MCAT: variants seen among roughly 807,000 people sequenced by gnomAD.
MCAT encodes malonyl-CoA-acyl carrier protein transacylase, mitochondrial.
Under a neutral mutation model 22.9 loss-of-function variants are expected in MCAT, and 22 were observed. That is an observed-to-expected ratio of 0.96 (90% confidence interval 0.69 to 1.37). The LOEUF is 1.37. Among genes scored for constraint, MCAT ranks in the 40% most tolerant of loss-of-function variants. MCAT has a pLI of 0.00. For missense variants in MCAT, 534 were observed against 533.6 expected (o/e 1.00, Z -0.01); for synonymous variants, 240 against 233.9 (o/e 1.03, Z -0.24).
intron 1 of MCAT, among the ~76,000 whole-genome samples, chr22:43,141,784 C>A (rs757745129): frequency 6.6e-6 from 1 of 152,162 alleles, no homozygotes; most frequent in African/African-American, 2.4e-5. Flanking sequence ...GTTGGCCAGG[C>A]TGGTTTTGAA....
At chr22:43,136,072 G>A (rs570147700) in intron 3 of MCAT, among the ~76,000 whole-genome samples, 89 of 152,174 alleles carry the variant, frequency 5.8e-4, no homozygotes, top group South Asian at 4.8e-3. Flanking sequence ...GTGAAACCCC[G>A]TCTCTACAAA....
At chr22:43,136,758 A>G (rs1023020517) in intron 3 of MCAT, among the ~76,000 whole-genome samples, 3 of 152,258 alleles carry the variant, frequency 2.0e-5, no homozygotes, top group South Asian at 4.1e-4. Flanking sequence ...TTCTCTAAGG[A>G]AGCAACCAGA....
At chr22:43,133,999 C>T (rs1409085638) in intron 3 of MCAT, among the ~76,000 whole-genome samples, 2 of 152,038 alleles carry the variant, frequency 1.3e-5, no homozygotes, top group Non-Finnish European at 2.9e-5. Flanking sequence ...ATCTCCAGAC[C>T]TCGTGATCCA....
At chr22:43,135,842 A>AACAGACTCCAGAGTGAG (rs1474701758) in intron 3 of MCAT, among the ~76,000 whole-genome samples, 45 of 152,228 alleles carry the variant, frequency 3.0e-4, no homozygotes, top group Non-Finnish European at 6.2e-4. Context: ...AAGTGGCGGA[A>AACAGACTCCAGAGTGAG]ACAGACTCCA....
intron 2 of MCAT, among the ~76,000 whole-genome samples, chr22:43,139,961 TTAA>T (rs113547738): frequency 1.5e-4 from 23 of 152,316 alleles, no homozygotes; most frequent in African/African-American, 5.5e-4. Flanking sequence ...GAAACTTTCC[TTAA>T]TAATGTTATA....
intron 3 of MCAT, among the ~76,000 whole-genome samples, chr22:43,134,927 AG>A (rs1203911089): frequency 1.3e-5 from 2 of 152,228 alleles, no homozygotes; most frequent in Non-Finnish European, 2.9e-5. Context: ...ATGGCTACTC[AG>A]TAGCACTTCC....
chr22:43,137,750 TA>T (rs112412023), intron 2 of MCAT, among the ~76,000 whole-genome samples: 1 of 149,868 alleles, frequency 6.7e-6, no homozygotes, highest in African/African-American at 2.5e-5. Flanking sequence ...TTTTTTTTTT[TA>T]AATAGTGCCA....
intron 3 of MCAT, among the ~76,000 whole-genome samples, chr22:43,134,658 C>T (rs1165630720): frequency 6.6e-6 from 1 of 152,198 alleles, no homozygotes; most frequent in East Asian, 1.9e-4. Flanking sequence ...CAGAACCCAG[C>T]CTGGCGAGCA....
chr22:43,136,692 C>G (rs1426439705), intron 3 of MCAT, among the ~76,000 whole-genome samples: 2 of 152,246 alleles, frequency 1.3e-5, no homozygotes, highest in Non-Finnish European at 2.9e-5. Context: ...AGGGCAAAAA[C>G]AGACACCTAA....
At position 43,143,331 on chromosome 22, in the gene MCAT, T is replaced by C. The variant is rs2147039773; in HGVS notation, c.18A>G (p.Ala6=). MSVRV[A]RVAWVRGLGA... ...CCAAGCCCCTGACCCACGCTACCCGTGCGACCCGGACGCTCATGGTCGGAC... is the reference window on the plus strand; with the variant it reads ...CCAAGCCCCTGACCCACGCTACCCGCGCGACCCGGACGCTCATGGTCGGAC... Residue 6 remains alanine (A), a synonymous_variant, in exon 1 of 4, where the codon GCA becomes GCG. Transcript: ENST00000290429. 1 of 1,390,284 alleles carries C rather than the reference T, an allele frequency of 7.2e-7. No homozygotes were observed. Among genetic ancestry groups the C allele is most frequent in the Non-Finnish European group, 9.2e-7 (1 of 1,082,002 alleles). 86.1% of individuals were successfully genotyped at this position (1,390,284 alleles called of 1,614,324 possible).
At position 43,143,040 on chromosome 22, in the gene MCAT, C is replaced by T; in HGVS notation, c.309G>A (p.Leu103=). 6.2e-7 allele frequency: 1 copy of T among 1,610,640 alleles called. No homozygotes were observed. ...AARRVLGYDL[L]ELSLHGPQET... ...CCTGCGGCCCGTGCAGGCTCAGTTC[C>T]AGCAGGTCGTAGCCCAGCACGCGGC... The change falls in exon 1 of 4, where the codon CTG becomes CTA. Residue 103 remains leucine, a synonymous_variant. Coordinates refer to ENST00000290429, the MANE Select transcript of MCAT (RefSeq NM_173467.5).
At chr22:43,134,736 C>A (rs986436577) in intron 3 of MCAT, among the ~76,000 whole-genome samples, 56 of 152,188 alleles carry the variant, frequency 3.7e-4, no homozygotes, top group Non-Finnish European at 7.2e-4. Context: ...GTCACTGCAA[C>A]AAAACCTGGC....
rs753860375 is a variant in MCAT at position 43,133,339 on chromosome 22, G to C, written c.877C>G (p.Pro293Ala). The C allele has an allele frequency of 1.9e-6, 3 of 1,614,170 alleles. No individual in the cohort carries two copies. In the South Asian group the frequency reaches 3.3e-5, roughly 18 times the overall value. Residue 293 changes from proline (P) to alanine (A), a missense_variant, in exon 4 of 4, where the codon CCT becomes GCT. Pro to Ala is a conservative substitution (Grantham distance 27). Transcript: ENST00000290429. ...QALKAVDIKKPLVSVYSNVHA... is the reference protein window; with the variant it reads ...QALKAVDIKKALVSVYSNVHA... ...ACGTTGGAGTAGACAGAAACCAGAG[G>C]CTTCTTAATGTCGACTGCCTTTAAA...
Position 43,133,308 on chromosome 22 carries a change from G to A in MCAT, c.908C>T (p.Ala303Val), listed in dbSNP as rs13815. The change falls in exon 4 of 4, where the codon GCG becomes GTG. Residue 303 changes from alanine (A) to valine (V), a missense_variant. Coordinates refer to ENST00000290429, the MANE Select transcript of MCAT (RefSeq NM_173467.5). ...GTGCCCGGGATGCCTGTATCTATGC[G>A]CGTGGACGTTGGAGTAGACAGAAAC... ...PLVSVYSNVH[A>V]HRYRHPGHIH... The A allele has an allele frequency of 5.6e-6, 9 of 1,613,878 alleles. No homozygotes were observed. The highest frequency in any genetic ancestry group is 4.0e-5 in the African/African-American group (3 of 74,838).
intron 3 of MCAT, among the ~76,000 whole-genome samples, chr22:43,134,150 G>A (rs1230880732): frequency 6.6e-6 from 1 of 152,098 alleles, no homozygotes; most frequent in South Asian, 2.1e-4. Context: ...TAAAAATTCA[G>A]AACTAAAATT....
In MCAT at chr22:43,133,190, G is replaced by GA; in HGVS notation, c.1025dup (p.Gln344ProfsTer19). The stretch of plus-strand genomic sequence containing the variant: ...CAGGGCCTACTTCGAAAGTTTGGGG[G>GA]AACCCCCTGCCCTTTTTCCTTTCGT... On this transcript the variant is annotated frameshift_variant, in exon 4 of 4. Coordinates refer to ENST00000290429, the MANE Select transcript of MCAT (RefSeq NM_173467.5). LOFTEE classifies it low-confidence loss of function (END_TRUNC). The GA allele has an allele frequency of 6.2e-7, 1 of 1,614,176 alleles. No homozygotes were observed. The highest frequency in any genetic ancestry group is 8.5e-7 in the Non-Finnish European group (1 of 1,180,020).
Position 43,133,139 on chromosome 22 carries a change from C to A in MCAT, c.1077G>T (p.Lys359Asn). Residue 359 changes from lysine to asparagine, a missense_variant, in exon 4 of 4, where the codon AAG becomes AAT. Coordinates refer to ENST00000290429, the MANE Select transcript of MCAT (RefSeq NM_173467.5). ...GPGRQLGAIL[K>N]SCNMQAWKSY... is the part of the protein sequence containing the mutation. ...ACTTCCAGGCCTGCATGTTACAGCT[C>A]TTCAGGATGGCTCCCAGCTGCCTGC... The A allele has an allele frequency of 6.2e-7, 1 of 1,614,162 alleles. No individual in the cohort carries two copies. Among genetic ancestry groups the A allele is most frequent in the Non-Finnish European group, 8.5e-7 (1 of 1,180,034 alleles).
At chr22:43,135,056 GC>G (rs1174697449) in intron 3 of MCAT, among the ~76,000 whole-genome samples, 4 of 152,368 alleles carry the variant, frequency 2.6e-5, no homozygotes, top group Non-Finnish European at 5.9e-5. Flanking sequence ...CATCACAGGG[GC>G]CAGCAGTCTC....
chr22:43,135,182 G>A (rs768119462), intron 3 of MCAT, among the ~76,000 whole-genome samples: 35 of 152,222 alleles, frequency 2.3e-4, no homozygotes, highest in Non-Finnish European at 3.1e-4. Context: ...GCCCTCACCT[G>A]AGCTCTTTGC....
Sources: gnomAD v4.1 joint callset for allele counts (sites outside exome capture counted in the v4.1 genomes callset) on GRCh38, gnomAD v4.1.1 for gene constraint, MANE v1.5 for transcripts, NCBI Gene and HGNC (gene_info 2026-07-23, HGNC 2026-07-21) for gene names.